The following SDR42E1 variants were observed in gnomAD, a reference collection of about 807,000 sequenced individuals.
SDR42E1 encodes the protein short chain dehydrogenase/reductase family 42E, member 1, also known as short-chain dehydrogenase/reductase family 42E member 1.
SDR42E1 carries 5 observed loss-of-function variants against 2.6 expected under a neutral mutation model. The observed-to-expected ratio is 1.94, with a 90% CI of 1.01 to 4.08. SDR42E1 has a LOEUF of 4.08. Among genes scored for constraint, SDR42E1 ranks in the 30% most tolerant of loss-of-function variants. The pLI is 0.00. For synonymous variants in SDR42E1, 231 were observed against 188.3 expected, an observed-to-expected ratio of 1.23 and a Z score of -1.86; for missense variants, 596 against 478.6, an observed-to-expected ratio of 1.25 and a Z score of -2.29.
In SDR42E1 at chr16:81,999,450, GCGGGTAGA is replaced by G; in HGVS notation, c.835_842del (p.Ser279ProfsTer34). The G allele has an allele frequency of 6.2e-7, 1 of 1,614,176 alleles. No individual in the cohort carries two copies. The highest frequency in any genetic ancestry group is 8.5e-7 in the Non-Finnish European group (1 of 1,180,042). ...AGCAGTAGACCAAGGTCAATGGCAG[GCGGGTAGA>G]CGGGAATGTGTAGCCCAGGCCCTCA... On this transcript the variant is annotated frameshift_variant, in exon 3 of 3. Transcript: ENST00000328945. LOFTEE classifies it low-confidence loss of function (END_TRUNC).
intron 1 of SDR42E1, among the ~76,000 whole-genome samples, chr16:82,002,359 C>T (rs1187285980): frequency 1.3e-5 from 2 of 152,154 alleles, no homozygotes; most frequent in Non-Finnish European, 2.9e-5. Flanking sequence ...CTTTTCTCTT[C>T]TGTCTGGTTG....
At chr16:82,004,528 T>C (rs1019343857) in intron 1 of SDR42E1, among the ~76,000 whole-genome samples, 2 of 152,170 alleles carry the variant, frequency 1.3e-5, no homozygotes, top group African/African-American at 4.8e-5. Context: ...TGAGACAAGG[T>C]CTCACTCTGT....
intron 1 of SDR42E1, 45 bp from the exon 2 acceptor site, chr16:82,000,929 C>T (rs1027881710): frequency 2.0e-5 from 26 of 1,320,012 alleles, no homozygotes; most frequent in African/African-American, 1.5e-4. Context: ...CAAATGCAAA[C>T]GTCATTCTCC....
intron 1 of SDR42E1, among the ~76,000 whole-genome samples, chr16:82,005,090 T>C (rs1035420114): frequency 6.6e-6 from 1 of 152,244 alleles, no homozygotes; most frequent in South Asian, 2.1e-4. Context: ...AAAAGCCCAA[T>C]TAAAACATTC....
Position 81,998,515 on chromosome 16 carries a change from G to C in SDR42E1, c.*596C>G, listed in dbSNP as rs1912606442. On this transcript the variant is annotated 3_prime_UTR_variant, in exon 3 of 3. Coordinates refer to ENST00000328945, the MANE Select transcript of SDR42E1 (RefSeq NM_145168.3). Reference sequence around the variant, plus strand: ...ATCCTCAAAAGAATCCTATGAGGTAGAATAAAGGCCTAAACATCAAACATT... The same window carrying C: ...ATCCTCAAAAGAATCCTATGAGGTACAATAAAGGCCTAAACATCAAACATT... The C allele has an allele frequency of 6.5e-6, 1 of 152,932 alleles. No homozygotes were observed. The highest frequency in any genetic ancestry group is 1.5e-5 in the Non-Finnish European group (1 of 68,638). The allele number at this position is 152,932 out of a possible 1,614,324, so 9.5% of individuals were successfully genotyped here.
Position 81,999,983 on chromosome 16 carries a change from CTG to C in SDR42E1, c.308_309del (p.Thr103ArgfsTer35). On this transcript the variant is annotated frameshift_variant, in exon 3 of 3. Coordinates refer to ENST00000328945, the MANE Select transcript of SDR42E1 (RefSeq NM_145168.3). LOFTEE classifies it high-confidence loss of function. The part of the protein sequence containing the change: ...NLIKEVNVRG[T>X]DNILQVCQRR... ...CTTTGGCAAACCTGGAGGATGTTGT[CTG>C]TGCCCCTGACGTTGACTTCTTTGAT... 1 of 1,614,228 alleles carries C rather than the reference CTG, an allele frequency of 6.2e-7. No individual in the cohort carries two copies. Among genetic ancestry groups the C allele is most frequent in the Non-Finnish European group, 8.5e-7 (1 of 1,180,032 alleles).
chr16:82,005,541 A>T (rs1179369063), intron 1 of SDR42E1, among the ~76,000 whole-genome samples: 1 of 152,098 alleles, frequency 6.6e-6, no homozygotes, highest in Non-Finnish European at 1.5e-5. Context: ...CCCCACCCAA[A>T]ATTCACATGA....
chr16:82,004,010 T>C (rs1912852120), intron 1 of SDR42E1, among the ~76,000 whole-genome samples: 1 of 152,132 alleles, frequency 6.6e-6, no homozygotes, highest in Non-Finnish European at 1.5e-5. Flanking sequence ...ATTTTAACAA[T>C]AACATGTCTC....
chr16:82,006,050 TC>T (rs1912922897), intron 1 of SDR42E1, among the ~76,000 whole-genome samples: 1 of 152,326 alleles, frequency 6.6e-6, no homozygotes, highest in African/African-American at 2.4e-5. Flanking sequence ...CGCACACCGT[TC>T]CTTCATCCCT....
rs145195025 is a variant in SDR42E1 at position 82,009,240 on chromosome 16, G to A, written c.-27+2147C>T. 6.5e-3 allele frequency among the ~76,000 whole-genome samples: 991 copies of A among 152,278 alleles called. 5 individuals carry two copies. The highest frequency in any genetic ancestry group is 0.022 in the South Asian group (107 of 4,822). ...TGTGGGGTTGGAACCACCCCACAGC[G>A]TCCCCACTGGGACACTGCCTAGTGG... On this transcript the variant is annotated intron_variant, in intron 1 of 2. Transcript: ENST00000328945.
At chr16:82,010,696 G>T (rs1661232784) in intron 1 of SDR42E1, among the ~76,000 whole-genome samples, 1 of 152,170 alleles carries the variant, frequency 6.6e-6, no homozygotes, top group African/African-American at 2.4e-5. Flanking sequence ...CGAAAAACAT[G>T]TTCATCTTAC....
rs567717558 is a variant in SDR42E1 at position 81,992,800 on chromosome 16, T to A, written c.*6311A>T. 399 of 152,200 alleles carry A rather than the reference T, an allele frequency of 2.6e-3. 1 individual carries two copies. The highest frequency in any genetic ancestry group is 9.1e-3 in the African/African-American group (377 of 41,534). The allele number at this position is 152,200 out of a possible 1,614,324, so 9.4% of individuals were successfully genotyped here. ...CTCGGTCATAATTACTTGAGTTCAA[T>A]GAACTCAAGTAATTATGAACGCAAC... On this transcript the variant is annotated 3_prime_UTR_variant, in exon 3 of 3. Coordinates refer to ENST00000328945, the MANE Select transcript of SDR42E1 (RefSeq NM_145168.3).
In SDR42E1 at chr16:81,999,410, C is replaced by G. The variant is rs917885594; in HGVS notation, c.883G>C (p.Glu295Gln). The G allele has an allele frequency of 3.7e-6, 6 of 1,614,096 alleles. No individual in the cohort carries two copies. The African/African-American group carries it at 4.0e-5, about 11-fold the overall frequency. Residue 295 changes from glutamate to glutamine, a missense_variant, in exon 3 of 3, where the codon GAG becomes CAG. Coordinates refer to ENST00000328945, the MANE Select transcript of SDR42E1 (RefSeq NM_145168.3). ...TLVYCFAFLT[E>Q]MVHFILGRLY... ...CGACCCAAAATGAAGTGAACCATCT[C>G]TGTTAGAAAAGCAAAGCAGTAGACC...
At chr16:82,010,629 A>G (rs550750842) in intron 1 of SDR42E1, among the ~76,000 whole-genome samples, 175 of 152,246 alleles carry the variant, frequency 1.1e-3, no homozygotes, top group African/African-American at 4.0e-3. Context: ...TTTGTCTCTT[A>G]CCTACCTATG....
In SDR42E1 at chr16:81,996,474, A is replaced by T. The variant is rs1912544172; in HGVS notation, c.*2637T>A. 6.6e-6 allele frequency: 1 copy of T among 152,000 alleles called. No individual in the cohort carries two copies. Among genetic ancestry groups the T allele is most frequent in the Admixed American group, 6.6e-5 (1 of 15,250 alleles). 9.4% of individuals were successfully genotyped at this position (152,000 alleles called of 1,614,324 possible). On this transcript the variant is annotated 3_prime_UTR_variant, in exon 3 of 3. Coordinates refer to ENST00000328945, the MANE Select transcript of SDR42E1 (RefSeq NM_145168.3). ...AGTGGAGATATTTACTAAGGAAGGG[A>T]GCCCTGTAAGAATTTGGGGTGGGAG...
intron 1 of SDR42E1, among the ~76,000 whole-genome samples, chr16:82,001,856 C>G (rs190213702): frequency 6.7e-6 from 1 of 149,096 alleles, no homozygotes; most frequent in African/African-American, 2.5e-5. Context: ...GAGCGAAGAT[C>G]GCGCCACTGC....
intron 1 of SDR42E1, among the ~76,000 whole-genome samples, chr16:82,008,196 T>G (rs1304056218): frequency 1.3e-5 from 2 of 152,262 alleles, no homozygotes; most frequent in Admixed American, 6.5e-5. Context: ...CCCAGCCACG[T>G]GGAACTGTGA....
In SDR42E1 at chr16:81,990,583, C is replaced by T. The variant is rs1410323592; in HGVS notation, c.*8528G>A. 6.6e-6 allele frequency: 1 copy of T among 152,136 alleles called. No homozygotes were observed. The highest frequency in any genetic ancestry group is 2.4e-5 in the African/African-American group (1 of 41,416). 9.4% of individuals were successfully genotyped at this position (152,136 alleles called of 1,614,324 possible). A position where few individuals can be genotyped will look rare whatever the true frequency, so the allele number is the denominator to read the frequency against. On this transcript the variant is annotated 3_prime_UTR_variant, in exon 3 of 3. Transcript: ENST00000328945. ...AGGATCCATGTGCATAGTTCTTGTA[C>T]AGGTTACAAAAGGCCTCTGTGCCAT...
Position 81,989,717 on chromosome 16 carries a change from T to C in SDR42E1, c.*9394A>G, listed in dbSNP as rs954006419. On this transcript the variant is annotated 3_prime_UTR_variant, in exon 3 of 3. Coordinates refer to ENST00000328945, the MANE Select transcript of SDR42E1 (RefSeq NM_145168.3). Reference sequence around the variant, plus strand: ...CTCAAAACGTGACTGAATTGAGTAATTGAAAACCATGGTATCAAGCCTGTA... The same window carrying C: ...CTCAAAACGTGACTGAATTGAGTAACTGAAAACCATGGTATCAAGCCTGTA... The C allele has an allele frequency of 6.6e-5, 10 of 152,142 alleles. No homozygotes were observed. The highest frequency in any genetic ancestry group is 1.7e-4 in the African/African-American group (7 of 41,416). The allele number at this position is 152,142 out of a possible 1,614,324, so 9.4% of individuals were successfully genotyped here.
Sources: gnomAD v4.1 joint callset for allele counts (sites outside exome capture counted in the v4.1 genomes callset) on GRCh38, gnomAD v4.1.1 for gene constraint, MANE v1.5 for transcripts, NCBI Gene and HGNC (gene_info 2026-07-23, HGNC 2026-07-21) for gene names.